The following BRF1 variants were observed in gnomAD, a reference collection of about 807,000 sequenced individuals.
BRF1 encodes BRF1 general transcription factor IIIB subunit, also known as transcription factor IIIB 90 kDa subunit.
A neutral mutation model predicts 81.7 loss-of-function variants in BRF1; 59 were observed. That is an observed-to-expected ratio of 0.72 (90% CI 0.59 to 0.90). BRF1 has a LOEUF of 0.90. Among genes scored for constraint, BRF1 ranks in the 40% least tolerant of loss-of-function variants. The pLI is 0.00. For missense variants in BRF1, 1,050 were observed against 936.3 expected, an observed-to-expected ratio of 1.12 and a Z score of -1.58; for synonymous variants, 491 against 395.6, an observed-to-expected ratio of 1.24 and a Z score of -2.86.
chr14:105,270,156 T>C (rs2056595672), intron 3 of BRF1, among the ~76,000 whole-genome samples: 1 of 146,966 alleles, frequency 6.8e-6, no homozygotes, highest in Admixed American at 7.1e-5. Flanking sequence ...AATGACAAAT[T>C]TCAAAATGTT....
At chr14:105,214,840 G>A (rs185912416) in intron 15 of BRF1, among the ~76,000 whole-genome samples, 120 of 152,212 alleles carry the variant, frequency 7.9e-4, no homozygotes, top group African/African-American at 2.5e-3. Flanking sequence ...TCCCCACGTC[G>A]GAGCCTCAGC....
At chr14:105,213,415 C>CT (rs60509845) in intron 15 of BRF1, 50,694 of 146,748 alleles carry the variant, frequency 0.35, 10,491 homozygotes, top group African/African-American at 0.59. Flanking sequence ...TAGTTTTTTT[C>CT]TTTTTTTTTT....
rs780509058 is a variant in BRF1 at position 105,212,161 on chromosome 14, C to T, written c.1776G>A (p.Leu592=). ...CTGGCTGCGTAGACACCAGAGGCCT[C>T]AACCTGCAAAAGGAAGCACAGCATG... is the stretch of plus-strand genomic sequence containing the variant. ...ADPVTSVGKR[L]RPLVSTQPAK... Residue 592 remains leucine (L), a synonymous_variant, in exon 16 of 18, where the codon TTG becomes TTA. Transcript: ENST00000547530. 1.2e-6 allele frequency: 2 copies of T among 1,612,126 alleles called. No individual in the cohort carries two copies. The highest frequency in any genetic ancestry group is 1.7e-5 in the Admixed American group (1 of 59,930).
chr14:105,221,739 CA>C lies in BRF1; in HGVS notation c.1223del (p.Leu408ArgfsTer55), dbSNP rs1260506495. ...SPEWGGRPPA[L>X]GSLLDPLPTA... is the part of the protein sequence containing the mutation. ...TGGGGAGGGGGTCCAGCAGGGACCC[CA>C]GGGCCGGAGGTCTGCCGCCCCACTC... is the stretch of plus-strand genomic sequence containing the variant. On this transcript the variant is annotated frameshift_variant, in exon 11 of 18. Transcript: ENST00000547530. LOFTEE classifies it high-confidence loss of function. The C allele has an allele frequency of 6.2e-7, 1 of 1,610,512 alleles. No homozygotes were observed.
At chr14:105,215,792 G>T (rs1458867365) in intron 15 of BRF1, among the ~76,000 whole-genome samples, 1 of 85,568 alleles carries the variant, frequency 1.2e-5, no homozygotes, top group Non-Finnish European at 2.3e-5. Context: ...ACACACACAT[G>T]CACACACACT....
intron 9 of BRF1, 39 bp from the exon 10 acceptor site, chr14:105,226,200 T>C (rs1893054844): frequency 6.2e-7 from 1 of 1,613,844 alleles, no homozygotes; most frequent in South Asian, 1.1e-5. Context: ...CAGCATAAAA[T>C]CAATTTTCCC....
chr14:105,241,078 G>A (rs1377311102), intron 6 of BRF1, among the ~76,000 whole-genome samples, 187 bp downstream of exon 6: 2 of 152,204 alleles, frequency 1.3e-5, no homozygotes, highest in Non-Finnish European at 2.9e-5. Flanking sequence ...AGAGGCCAAC[G>A]GGGCAGCCAG....
In BRF1 at chr14:105,218,991, C is replaced by T. The variant is rs766151146; in HGVS notation, c.1515+7G>A. 1.1e-5 allele frequency: 18 copies of T among 1,613,690 alleles called. No homozygotes were observed. Among genetic ancestry groups the T allele is most frequent in the Middle Eastern group, 1.6e-4 (1 of 6,066 alleles). On this transcript the variant is annotated splice_region_variant and intron_variant, in intron 14 of 17. Transcript: ENST00000547530. ...AGAAGGCCAGGCCCAGCGTCACAGG[C>T]GCCCACCTTGTGTTCCTTGTAGATG...
chr14:105,245,797 C>T (rs1042455866), intron 5 of BRF1, among the ~76,000 whole-genome samples: 1 of 152,130 alleles, frequency 6.6e-6, no homozygotes, highest in African/African-American at 2.4e-5. Flanking sequence ...GACCCAAACA[C>T]AGACTTGAAA....
chr14:105,300,692 G>C lies in BRF1; in HGVS notation c.-63C>G. The C allele has an allele frequency of 8.2e-7, 1 of 1,218,490 alleles. No homozygotes were observed. Among genetic ancestry groups the C allele is most frequent in the Non-Finnish European group, 1.0e-6 (1 of 973,728 alleles). The allele number at this position is 1,218,490 out of a possible 1,614,324, so 75.5% of individuals were successfully genotyped here. On this transcript the variant is annotated 5_prime_UTR_variant, in exon 1 of 18. Transcript: ENST00000547530. ...GACTCTCAAGCCACCCGAGCCTCCG[G>C]AGCAGCCCGCGCCGCCCGCCCAGGC...
chr14:105,274,852 C>T (rs918155939), intron 2 of BRF1, among the ~76,000 whole-genome samples: 4 of 152,134 alleles, frequency 2.6e-5, no homozygotes, highest in African/African-American at 9.7e-5. Flanking sequence ...CAGTGGGCGT[C>T]GTGGGCAGGC....
chr14:105,264,757 C>T lies in BRF1; in HGVS notation c.439+7964G>A, dbSNP rs587736026. ...TATGGAGGCTGAGGTGAGAGGATTG[C>T]TCGAGCCTGGGAGGTCAAGGCTGCA... On this transcript the variant is annotated intron_variant, in intron 3 of 17. Transcript: ENST00000547530. Among the ~76,000 whole-genome samples the T allele has an allele frequency of 3.8e-4, 58 of 150,666 alleles. No individual in the cohort carries two copies. The Middle Eastern group carries it at 0.014, about 37-fold the overall frequency.
At chr14:105,248,615 G>C in intron 5 of BRF1, 1 of 976,888 alleles carries the variant, frequency 1.0e-6, no homozygotes, top group East Asian at 1.1e-4. Context: ...GCCGGGCCTG[G>C]CCGGGCTGCG....
intron 1 of BRF1, among the ~76,000 whole-genome samples, chr14:105,289,999 A>T (rs2057458192): frequency 6.6e-6 from 1 of 152,228 alleles, no homozygotes. Flanking sequence ...GCTGGTCTCC[A>T]GCACATGCTC....
chr14:105,306,885 C>T (rs1324595689), intron 1 of BRF1, among the ~76,000 whole-genome samples: 2 of 152,156 alleles, frequency 1.3e-5, no homozygotes, highest in African/African-American at 2.4e-5. Flanking sequence ...GGATTACAGG[C>T]GTGAGCCACC....
At chr14:105,226,524 G>T in intron 8 of BRF1, 110 bp downstream of exon 8, 2 of 1,559,676 alleles carry the variant, frequency 1.3e-6, no homozygotes, top group Non-Finnish European at 1.7e-6. Context: ...CTGAAGAGCG[G>T]CTATGAGGCT....
chr14:105,314,659 CGCGGGTCGGA>C (rs1311186044), intron 1 of BRF1: 1 of 143,198 alleles, frequency 7.0e-6, no homozygotes, highest in South Asian at 2.1e-4. Context: ...GCGGCGCCGG[CGCGGGTCGGA>C]GGGCGCCGGG....
At chr14:105,216,689 C>T (rs1020210266) in intron 15 of BRF1, among the ~76,000 whole-genome samples, 7 of 152,200 alleles carry the variant, frequency 4.6e-5, no homozygotes, top group African/African-American at 1.2e-4. Flanking sequence ...CCGCAAATAC[C>T]GCAAACAACA....
intron 1 of BRF1, among the ~76,000 whole-genome samples, chr14:105,308,965 C>A (rs761264058): frequency 4.0e-5 from 6 of 151,732 alleles, no homozygotes; most frequent in Non-Finnish European, 8.8e-5. Flanking sequence ...CAGAGCAAGA[C>A]CCTGTCAAGA....
Sources: allele counts gnomAD v4.1 joint callset (sites outside exome capture counted in the v4.1 genomes callset), GRCh38; gene constraint gnomAD v4.1.1; transcripts MANE v1.5; gene names NCBI Gene and HGNC (gene_info 2026-07-23, HGNC 2026-07-21).